The following EXOC6B variants were observed in gnomAD, a reference collection of about 807,000 sequenced individuals.
The protein encoded by EXOC6B is SEC15 homolog B.
EXOC6B carries 54 observed loss-of-function variants against 113.5 expected under a neutral mutation model. That is an observed-to-expected ratio of 0.48 (90% CI 0.38 to 0.60). The LOEUF (loss-of-function observed/expected upper bound fraction) is 0.60. EXOC6B is among the 20% of genes least tolerant of loss of function. The pLI is 0.00. For missense variants in EXOC6B, 797 were observed against 977.5 expected (o/e 0.82, Z 2.46); for synonymous variants, 357 against 339.0 (o/e 1.05, Z -0.58).
chr2:72,671,664 C>G (rs1247261875), intron 6 of EXOC6B, among the ~76,000 whole-genome samples: 1 of 150,452 alleles, frequency 6.6e-6, no homozygotes, highest in East Asian at 2.0e-4. Flanking sequence ...TGCCATTGCA[C>G]TCTAGCTTAG....
intron 6 of EXOC6B, among the ~76,000 whole-genome samples, chr2:72,673,747 ATTTAT>A (rs1041725596): frequency 7.4e-5 from 11 of 149,184 alleles, no homozygotes; most frequent in South Asian, 4.2e-4. Context: ...TTATTTTTTT[ATTTAT>A]TTTATTATTT....
intron 18 of EXOC6B, among the ~76,000 whole-genome samples, chr2:72,423,353 G>A (rs768899287): frequency 7.9e-5 from 12 of 152,064 alleles, no homozygotes; most frequent in South Asian, 2.1e-4. Flanking sequence ...CTTCATTCTC[G>A]AAGTCAGTGA....
chr2:72,739,015 AAT>A (rs1367598513), intron 2 of EXOC6B, among the ~76,000 whole-genome samples: 1 of 152,238 alleles, frequency 6.6e-6, no homozygotes, highest in Non-Finnish European at 1.5e-5. Flanking sequence ...AGTTTATAAA[AAT>A]AGTCATACTG....
chr2:72,413,688 G>GAAA (rs779663149), intron 18 of EXOC6B, among the ~76,000 whole-genome samples: 1,771 of 108,214 alleles, frequency 0.016, 33 homozygotes, highest in African/African-American at 0.052. Context: ...CCTCAAAAAA[G>GAAA]AAAAAAAAAA....
At chr2:72,534,664 G>C (rs1029760234) in intron 8 of EXOC6B, among the ~76,000 whole-genome samples, 1 of 151,992 alleles carries the variant, frequency 6.6e-6, no homozygotes, top group Non-Finnish European at 1.5e-5. Context: ...CATAGTGATA[G>C]CTAAGAGTTT....
intron 18 of EXOC6B, among the ~76,000 whole-genome samples, chr2:72,435,695 A>G (rs938511427): frequency 1.2e-4 from 18 of 148,268 alleles, no homozygotes; most frequent in Admixed American, 1.1e-3. Flanking sequence ...TTTATCGGAG[A>G]CTAGGATTGC....
chr2:72,745,800 T>A (rs1558968633), intron 1 of EXOC6B, among the ~76,000 whole-genome samples: 1 of 152,142 alleles, frequency 6.6e-6, no homozygotes, highest in Admixed American at 6.6e-5. Context: ...CTAACCAACA[T>A]ATCCATCAGA....
At chr2:72,400,102 A>G (rs1400969696) in intron 18 of EXOC6B, among the ~76,000 whole-genome samples, 7 of 152,328 alleles carry the variant, frequency 4.6e-5, no homozygotes, top group Non-Finnish European at 7.4e-5. Flanking sequence ...TCAATGGAAA[A>G]GAAGAGAGAA....
intron 8 of EXOC6B, among the ~76,000 whole-genome samples, chr2:72,526,094 TCA>T (rs1207391269): frequency 1.3e-5 from 2 of 152,146 alleles, no homozygotes; most frequent in East Asian, 1.9e-4. Context: ...CTAAGGTAAT[TCA>T]CAGTTTGGAA....
chr2:72,335,262 A>C, intron 19 of EXOC6B: 1 of 472,786 alleles, frequency 2.1e-6, no homozygotes. Context: ...ATTTATTCCC[A>C]TGAGCTGCGC....
At chr2:72,500,644 A>G (rs1468974505) in intron 11 of EXOC6B, among the ~76,000 whole-genome samples, 3 of 152,208 alleles carry the variant, frequency 2.0e-5, no homozygotes, top group Admixed American at 2.0e-4. Context: ...AGGAAAATAA[A>G]AATTACAAAT....
chr2:72,473,683 T>C (rs928958255), intron 17 of EXOC6B, among the ~76,000 whole-genome samples: 2 of 152,136 alleles, frequency 1.3e-5, no homozygotes, highest in Admixed American at 6.5e-5. Flanking sequence ...AAAATTATTA[T>C]TGATATGTGA....
At chr2:72,180,053 G>A (rs1376944162) in intron 21 of EXOC6B, among the ~76,000 whole-genome samples, 1 of 152,170 alleles carries the variant, frequency 6.6e-6, no homozygotes. Context: ...CAGGGTAAAG[G>A]CACATAGGTG....
intron 1 of EXOC6B, among the ~76,000 whole-genome samples, chr2:72,784,458 G>A (rs888648763): frequency 1.3e-5 from 2 of 152,172 alleles, no homozygotes; most frequent in Non-Finnish European, 2.9e-5. Flanking sequence ...TTTTTACACA[G>A]CTGATAATGA....
At chr2:72,362,214 G>C (rs1440901043) in intron 19 of EXOC6B, among the ~76,000 whole-genome samples, 1 of 152,124 alleles carries the variant, frequency 6.6e-6, no homozygotes, top group Non-Finnish European at 1.5e-5. Context: ...AGTTCATACT[G>C]TGAAAAAGAT....
In EXOC6B at chr2:72,179,228, T is replaced by C; in HGVS notation, c.*107A>G. 1 of 1,288,722 alleles carries C rather than the reference T, an allele frequency of 7.8e-7. No individual in the cohort carries two copies. Among genetic ancestry groups the C allele is most frequent in the South Asian group, 1.5e-5 (1 of 64,538 alleles). The allele number at this position is 1,288,722 out of a possible 1,614,324, so 79.8% of individuals were successfully genotyped here. On this transcript the variant is annotated 3_prime_UTR_variant, in exon 22 of 22. Coordinates refer to ENST00000272427, the MANE Select transcript of EXOC6B (RefSeq NM_015189.3). ...GCACAGGGGTTAATAAAAAAATACA[T>C]ATGCTCTCTTTGAAGAAGAATGCAC...
At chr2:72,332,089 A>C (rs983166145) in intron 20 of EXOC6B, among the ~76,000 whole-genome samples, 2 of 148,110 alleles carry the variant, frequency 1.4e-5, no homozygotes, top group Admixed American at 6.6e-5. Context: ...AGGCAAATAC[A>C]CTCAATGACG....
intron 6 of EXOC6B, among the ~76,000 whole-genome samples, chr2:72,633,662 T>C (rs183457152): frequency 9.8e-5 from 15 of 152,304 alleles, no homozygotes; most frequent in African/African-American, 3.4e-4. Flanking sequence ...TAGGCACATA[T>C]GTAAATACAG....
chr2:72,696,936 T>C (rs1271748054), intron 6 of EXOC6B, among the ~76,000 whole-genome samples: 1 of 152,180 alleles, frequency 6.6e-6, no homozygotes, highest in Non-Finnish European at 1.5e-5. Context: ...GTGGTAAATA[T>C]AATGATCAGA....
Sources: gnomAD v4.1 joint callset for allele counts (sites outside exome capture counted in the v4.1 genomes callset) on GRCh38, gnomAD v4.1.1 for gene constraint, MANE v1.5 for transcripts, NCBI Gene and HGNC (gene_info 2026-07-23, HGNC 2026-07-21) for gene names.